The following PREX2 variants were observed in gnomAD, a reference collection of about 807,000 sequenced individuals.
PREX2 encodes phosphatidylinositol-3,4,5-trisphosphate dependent Rac exchange factor 2.
A neutral mutation model predicts 203.2 loss-of-function variants in PREX2; 107 were observed. That is an observed-to-expected ratio of 0.53 (90% CI 0.45 to 0.62). The LOEUF is 0.62. PREX2 is among the 20% of genes least tolerant of loss of function. PREX2 has a pLI of 0.00. For missense variants in PREX2, 1,777 were observed against 1,955.9 expected (o/e 0.91, Z 1.72); for synonymous variants, 672 against 663.6 (o/e 1.01, Z -0.19).
chr8:68,168,828 T>C (rs970833585), intron 35 of PREX2, among the ~76,000 whole-genome samples: 1 of 152,114 alleles, frequency 6.6e-6, no homozygotes, highest in African/African-American at 2.4e-5. Flanking sequence ...AATAACCGAG[T>C]GCCTTTTTCA....
intron 14 of PREX2, among the ~76,000 whole-genome samples, chr8:68,076,928 C>T (rs1210062329): frequency 6.6e-6 from 1 of 151,948 alleles, no homozygotes. Flanking sequence ...TACAAGTCAT[C>T]GTAGATTAAT....
intron 6 of PREX2, among the ~76,000 whole-genome samples, chr8:68,033,754 T>A (rs996878207): frequency 6.6e-6 from 1 of 152,156 alleles, no homozygotes; most frequent in Non-Finnish European, 1.5e-5. Context: ...GGGCAGAGGA[T>A]CTTGACTGCC....
At chr8:68,080,393 G>A (rs1168777976) in intron 15 of PREX2, 50 bp from the exon 16 acceptor site, 23 of 1,559,322 alleles carry the variant, frequency 1.5e-5, no homozygotes, top group Non-Finnish European at 1.9e-5. Context: ...TTGAAAATGA[G>A]TGCGATTTTT....
At chr8:68,097,294 T>A in intron 22 of PREX2, 93 bp downstream of exon 22, 1 of 941,844 alleles carries the variant, frequency 1.1e-6, no homozygotes, top group Non-Finnish European at 1.5e-6. Flanking sequence ...AAAATAGCTA[T>A]ACATGTTGCA....
chr8:68,116,376 T>C (rs1043541929), intron 26 of PREX2, among the ~76,000 whole-genome samples: 1 of 152,232 alleles, frequency 6.6e-6, no homozygotes, highest in African/African-American at 2.4e-5. Flanking sequence ...GTTCCTTGCC[T>C]ACCTCGGAGA....
At chr8:68,097,753 T>G (rs1320378208) in intron 22 of PREX2, among the ~76,000 whole-genome samples, 1 of 152,256 alleles carries the variant, frequency 6.6e-6, no homozygotes, top group African/African-American at 2.4e-5. Flanking sequence ...TTCATTGATA[T>G]GGCAAAGACT....
At chr8:67,991,646 G>A (rs966236427) in intron 1 of PREX2, among the ~76,000 whole-genome samples, 5 of 152,136 alleles carry the variant, frequency 3.3e-5, no homozygotes, top group Non-Finnish European at 7.4e-5. Flanking sequence ...ACCTCCACCT[G>A]GTCTCTCCCT....
chr8:68,074,802 TA>T (rs1164532091), intron 14 of PREX2, among the ~76,000 whole-genome samples: 1 of 152,094 alleles, frequency 6.6e-6, no homozygotes, highest in Non-Finnish European at 1.5e-5. Context: ...GAACACAGAG[TA>T]AAAAAACTGG....
chr8:67,960,438 A>C (rs147584060), intron 1 of PREX2, among the ~76,000 whole-genome samples: 26 of 152,072 alleles, frequency 1.7e-4, no homozygotes, highest in Non-Finnish European at 3.8e-4. Context: ...TGCTCAGACC[A>C]GCTTGAGAGT....
At chr8:68,085,264 T>C (rs542712392) in intron 18 of PREX2, among the ~76,000 whole-genome samples, 68 of 152,330 alleles carry the variant, frequency 4.5e-4, no homozygotes, top group Middle Eastern at 3.4e-3. Context: ...TGTCTTCTCA[T>C]TTTATTATGT....
At chr8:68,178,919 A>G (rs1459354080) in intron 35 of PREX2, among the ~76,000 whole-genome samples, 1 of 152,224 alleles carries the variant, frequency 6.6e-6, no homozygotes, top group Non-Finnish European at 1.5e-5. Flanking sequence ...TCTCTAATTT[A>G]GTTAATAATG....
chr8:68,197,747 A>ATATATATATGCTATATTATATATATGC (rs1457208556), intron 37 of PREX2, among the ~76,000 whole-genome samples: 41 of 148,224 alleles, frequency 2.8e-4, no homozygotes, highest in African/African-American at 7.8e-4. Context: ...TATATATGCT[A>ATATATATATGCTATATTATATATATGC]TATATATATG....
chr8:68,159,795 G>T (rs920133464), intron 35 of PREX2, among the ~76,000 whole-genome samples: 1 of 152,014 alleles, frequency 6.6e-6, no homozygotes, highest in African/African-American at 2.4e-5. Flanking sequence ...AAAGAATACA[G>T]ATTTTTGTTG....
rs916749923 is a variant in PREX2, at chr8:68,040,767, C to A, written c.839+2475C>A. ...GTTCATGAGAACAGGGGCCTTACTG[C>A]TCCTTCAATGCAATTTCTCTGGAAA... On this transcript the variant is annotated intron_variant, in intron 7 of 39. Transcript: ENST00000288368. 2.6e-5 allele frequency among the ~76,000 whole-genome samples: 4 copies of A among 152,162 alleles called. No homozygotes were observed. The East Asian group carries it at 7.7e-4, about 29-fold the overall frequency.
chr8:68,166,561 A>G (rs1254703968), intron 35 of PREX2, among the ~76,000 whole-genome samples: 2 of 152,192 alleles, frequency 1.3e-5, no homozygotes, highest in East Asian at 1.9e-4. Context: ...CTTAAGAAGT[A>G]TGTCTACTGA....
chr8:68,100,112 A>G, intron 23 of PREX2: 1 of 575,224 alleles, frequency 1.7e-6, no homozygotes, highest in East Asian at 4.2e-5. Context: ...CTAGTAAAAG[A>G]TAGAGCTGGG....
chr8:68,157,323 A>G lies in PREX2; in HGVS notation c.4233A>G (p.Ala1411=), dbSNP rs1166767140. The G allele has an allele frequency of 2.6e-6, 4 of 1,554,114 alleles. No individual in the cohort carries two copies. Among genetic ancestry groups the G allele is most frequent in the Non-Finnish European group, 8.9e-7 (1 of 1,125,906 alleles). ...FKIHPVLFAQ[A]LESMEGYYYR... ...AAATATGTTTACTTGTTTACACAGC[A>G]CTAGAGAGCATGGAAGGATATTATT... is the stretch of plus-strand genomic sequence containing the variant. The change falls in exon 35 of 40, where the codon GCA becomes GCG. Residue 1411 remains alanine, a splice_region_variant and synonymous_variant. Coordinates refer to ENST00000288368, the MANE Select transcript of PREX2 (RefSeq NM_024870.4).
At chr8:67,992,978 A>G (rs1427556159) in intron 1 of PREX2, among the ~76,000 whole-genome samples, 1 of 152,242 alleles carries the variant, frequency 6.6e-6, no homozygotes, top group Non-Finnish European at 1.5e-5. Flanking sequence ...ACTTAAAACT[A>G]GATATTTGAA....
chr8:68,119,265 A>G (rs988898072), intron 27 of PREX2, among the ~76,000 whole-genome samples, 167 bp from the exon 28 acceptor site: 1 of 152,242 alleles, frequency 6.6e-6, no homozygotes, highest in Non-Finnish European at 1.5e-5. Flanking sequence ...GTAACATCCC[A>G]GGAGCTATGA....
Sources: allele counts gnomAD v4.1 joint callset (sites outside exome capture counted in the v4.1 genomes callset), GRCh38; gene constraint gnomAD v4.1.1; transcripts MANE v1.5; gene names NCBI Gene and HGNC (gene_info 2026-07-23, HGNC 2026-07-21).